The following NRXN1 variants were observed in gnomAD, a reference collection of about 807,000 sequenced individuals.
NRXN1 encodes the protein neurexin 1.
NRXN1 carries 39 observed loss-of-function variants against 150.9 expected under a neutral mutation model. The observed-to-expected ratio is 0.26, with a 90% CI of 0.20 to 0.34. The LOEUF is 0.34. NRXN1 is among the 10% of genes least tolerant of loss of function. The pLI, the probability that NRXN1 is intolerant of heterozygous loss-of-function variation, is 1.00. For missense variants in NRXN1, 1,815 were observed against 1,949.9 expected (o/e 0.93, Z 1.30); for synonymous variants, 924 against 757.0 (o/e 1.22, Z -3.62).
chr2:50,262,825 G>C (rs11897898), intron 17 of NRXN1, among the ~76,000 whole-genome samples: 1 of 151,782 alleles, frequency 6.6e-6, no homozygotes, highest in Non-Finnish European at 1.5e-5. Flanking sequence ...AATTCCCATT[G>C]TAAGATAATC....
intron 17 of NRXN1, among the ~76,000 whole-genome samples, chr2:50,283,579 A>C (rs1292422205): frequency 6.6e-6 from 1 of 152,164 alleles, no homozygotes. Flanking sequence ...CATTGACACA[A>C]TCGTTAATTA....
At chr2:50,386,432 G>T (rs2081331813) in intron 17 of NRXN1, among the ~76,000 whole-genome samples, 1 of 151,884 alleles carries the variant, frequency 6.6e-6, no homozygotes, top group East Asian at 1.9e-4. Flanking sequence ...TTCATAGGAG[G>T]TAATTTCAAC....
intron 5 of NRXN1, among the ~76,000 whole-genome samples, chr2:50,903,159 C>G (rs1467330162): frequency 1.3e-5 from 2 of 151,866 alleles, no homozygotes; most frequent in Non-Finnish European, 2.9e-5. Flanking sequence ...TAGACAGGGC[C>G]AGAACTTTTT....
At chr2:50,249,208 A>C (rs543832373) in intron 17 of NRXN1, among the ~76,000 whole-genome samples, 2 of 152,036 alleles carry the variant, frequency 1.3e-5, no homozygotes, top group East Asian at 1.9e-4. Flanking sequence ...AGATGATTCA[A>C]AAGGCAGGGG....
At chr2:50,049,568 G>T (rs1692377151) in intron 21 of NRXN1, among the ~76,000 whole-genome samples, 1 of 152,094 alleles carries the variant, frequency 6.6e-6, no homozygotes, top group South Asian at 2.1e-4. Flanking sequence ...TATGTAGCTT[G>T]TAAAATATTC....
intron 5 of NRXN1, among the ~76,000 whole-genome samples, chr2:50,831,149 AAT>A (rs1448375140): frequency 6.6e-6 from 1 of 152,218 alleles, no homozygotes; most frequent in East Asian, 1.9e-4. Context: ...TATTAAAACA[AAT>A]ATGTGTGGTC....
intron 5 of NRXN1, among the ~76,000 whole-genome samples, chr2:50,808,487 G>T (rs1324491973): frequency 1.3e-5 from 2 of 151,896 alleles, no homozygotes; most frequent in Non-Finnish European, 2.9e-5. Flanking sequence ...AAAAAAAAGA[G>T]AAACTAACAT....
intron 18 of NRXN1, among the ~76,000 whole-genome samples, chr2:50,157,930 G>T (rs960779146): frequency 2.0e-5 from 3 of 151,706 alleles, no homozygotes; most frequent in Admixed American, 1.3e-4. Context: ...ATGGATTTAG[G>T]AGTAATCCCC....
chr2:50,265,985 TATTATTATTATTATTTA>T (rs1259237087), intron 17 of NRXN1, among the ~76,000 whole-genome samples: 3 of 93,912 alleles, frequency 3.2e-5, no homozygotes, highest in African/African-American at 5.3e-5. Context: ...TTATTATTAT[TATTATTATTATTATTTA>T]TTTTTTTTTT....
chr2:50,814,799 A>C (rs1324858358), intron 5 of NRXN1, among the ~76,000 whole-genome samples: 2 of 151,898 alleles, frequency 1.3e-5, no homozygotes, highest in East Asian at 1.9e-4. Flanking sequence ...TATTTTGAGC[A>C]GAATTATTAT....
chr2:50,969,817 T>C (rs868038760), intron 2 of NRXN1, among the ~76,000 whole-genome samples: 32 of 152,106 alleles, frequency 2.1e-4, no homozygotes, highest in Middle Eastern at 3.2e-3. Context: ...AGTTGATTAA[T>C]TGGAGAAAAG....
chr2:50,372,991 C>T (rs2080139385), intron 17 of NRXN1, among the ~76,000 whole-genome samples: 1 of 152,068 alleles, frequency 6.6e-6, no homozygotes, highest in Non-Finnish European at 1.5e-5. Context: ...TAATGACATC[C>T]ATTAGCACTC....
intron 18 of NRXN1, among the ~76,000 whole-genome samples, chr2:50,212,092 C>A (rs114344345): frequency 0.01 from 1,587 of 151,462 alleles, 33 homozygotes; most frequent in African/African-American, 0.036. Context: ...AAAACTGTCC[C>A]CTCAGGATTT....
chr2:50,012,511 G>A (rs1387651327), intron 21 of NRXN1, among the ~76,000 whole-genome samples: 1 of 152,092 alleles, frequency 6.6e-6, no homozygotes, highest in African/African-American at 2.4e-5. Flanking sequence ...AAAAAAGAAA[G>A]AAGAGCTTGA....
At chr2:50,987,004 T>C (rs1363092002) in intron 2 of NRXN1, among the ~76,000 whole-genome samples, 2 of 151,886 alleles carry the variant, frequency 1.3e-5, no homozygotes, top group African/African-American at 4.8e-5. Flanking sequence ...TCACAATACA[T>C]TTCTATATGC....
At chr2:50,047,220 T>G (rs1452244025) in intron 21 of NRXN1, among the ~76,000 whole-genome samples, 8 of 152,060 alleles carry the variant, frequency 5.3e-5, no homozygotes, top group Non-Finnish European at 8.8e-5. Context: ...GTGGGCAGCA[T>G]AGCCTTGGGT....
At chr2:50,117,388 A>C (rs922908601) in intron 18 of NRXN1, among the ~76,000 whole-genome samples, 1 of 152,116 alleles carries the variant, frequency 6.6e-6, no homozygotes, top group Non-Finnish European at 1.5e-5. Context: ...TAATAAAGAG[A>C]CCTGAGAGGG....
At chr2:50,402,430 T>G (rs2082453227) in intron 17 of NRXN1, among the ~76,000 whole-genome samples, 1 of 152,082 alleles carries the variant, frequency 6.6e-6, no homozygotes, top group Admixed American at 6.6e-5. Context: ...GAATATCATC[T>G]GCCAATCTAA....
intron 5 of NRXN1, among the ~76,000 whole-genome samples, chr2:50,766,470 G>C (rs922575194): frequency 6.6e-6 from 1 of 152,020 alleles, no homozygotes; most frequent in African/African-American, 2.4e-5. Flanking sequence ...AGAGGCAAGG[G>C]CTGAGTAGGT....
Sources: gnomAD v4.1 joint callset for allele counts (sites outside exome capture counted in the v4.1 genomes callset) on GRCh38, gnomAD v4.1.1 for gene constraint, MANE v1.5 for transcripts, NCBI Gene and HGNC (gene_info 2026-07-23, HGNC 2026-07-21) for gene names.